Variants in SPON1 observed in about 807,000 individuals in gnomAD.
SPON1 encodes spondin 1.
SPON1 carries 52 observed loss-of-function variants against 111.7 expected under a neutral mutation model. The observed-to-expected ratio is 0.47, with a 90% confidence interval of 0.37 to 0.59. The LOEUF is 0.59. SPON1 is among the 20% of genes least tolerant of loss of function. The pLI is 0.00. For missense variants in SPON1, 957 were observed against 1,068.5 expected (o/e 0.90, Z 1.46); for synonymous variants, 410 against 395.8 (o/e 1.04, Z -0.43).
intron 2 of SPON1, among the ~76,000 whole-genome samples, chr11:14,025,628 G>A (rs1339185202): frequency 4.6e-5 from 7 of 152,166 alleles, no homozygotes; most frequent in African/African-American, 1.7e-4. Flanking sequence ...GGGTGAAGAA[G>A]TGCTGGAGAG....
intron 3 of SPON1, among the ~76,000 whole-genome samples, chr11:14,055,328 G>C (rs1848737300): frequency 1.3e-5 from 2 of 152,164 alleles, no homozygotes; most frequent in Admixed American, 1.3e-4. Flanking sequence ...CTGGACCCCA[G>C]CTCTGAAATT....
intron 6 of SPON1, among the ~76,000 whole-genome samples, chr11:14,160,403 T>TTA (rs1330669834): frequency 1.4e-4 from 4 of 27,672 alleles, no homozygotes; most frequent in Non-Finnish European, 2.0e-4. Context: ...ATATATATAT[T>TTA]TATATATATA....
chr11:13,988,323 T>G (rs1174529598), intron 2 of SPON1, among the ~76,000 whole-genome samples: 1 of 152,208 alleles, frequency 6.6e-6, no homozygotes, highest in Non-Finnish European at 1.5e-5. Flanking sequence ...TAATTGTGAA[T>G]GGGAGTTCAC....
chr11:14,154,254 T>C (rs1352307120), intron 6 of SPON1, among the ~76,000 whole-genome samples: 2 of 152,214 alleles, frequency 1.3e-5, no homozygotes, highest in East Asian at 1.9e-4. Context: ...TGCACTGTCA[T>C]AGTAGAGGTT....
At position 14,249,685 on chromosome 11, in the gene SPON1, A is replaced by C. The variant is rs74862733; in HGVS notation, c.891-4843A>C. The stretch of plus-strand genomic sequence containing the variant: ...TAGGAGGGGATGGTAAGTCTCTAGA[A>C]GCAGTATCAAAATCCTTTCTTACCT... On this transcript the variant is annotated intron_variant, in intron 7 of 15. Coordinates refer to ENST00000576479, the MANE Select transcript of SPON1 (RefSeq NM_006108.4). Among the ~76,000 whole-genome samples the C allele has an allele frequency of 1.1e-3, 170 of 152,336 alleles. 1 individual carries two copies. The highest frequency in any genetic ancestry group is 3.9e-3 in the African/African-American group (163 of 41,576).
chr11:14,040,363 T>C (rs1358378354), intron 2 of SPON1, among the ~76,000 whole-genome samples: 7 of 152,150 alleles, frequency 4.6e-5, no homozygotes, highest in Non-Finnish European at 8.8e-5. Flanking sequence ...AGCTCAAAAG[T>C]GTAAAGTTGA....
intron 4 of SPON1, among the ~76,000 whole-genome samples, chr11:14,077,810 G>A (rs1326970074): frequency 6.7e-6 from 1 of 149,426 alleles, no homozygotes; most frequent in African/African-American, 2.5e-5. Flanking sequence ...TTAATACCAT[G>A]TCACAAGCAA....
intron 3 of SPON1, among the ~76,000 whole-genome samples, chr11:14,062,224 C>G (rs1325799227): frequency 5.3e-5 from 8 of 152,158 alleles, no homozygotes; most frequent in African/African-American, 1.9e-4. Context: ...AGAACCCTTG[C>G]TGGGCAGGGT....
At chr11:14,070,282 G>A (rs1249636206) in intron 3 of SPON1, among the ~76,000 whole-genome samples, 3 of 152,098 alleles carry the variant, frequency 2.0e-5, no homozygotes, top group African/African-American at 7.2e-5. Context: ...GAAATATTCA[G>A]TAATAAGGAT....
intron 7 of SPON1, among the ~76,000 whole-genome samples, chr11:14,253,336 G>C (rs1849072287): frequency 6.6e-6 from 1 of 152,256 alleles, no homozygotes; most frequent in African/African-American, 2.4e-5. Context: ...CAGGCAATGG[G>C]CTAAGTACTG....
chr11:14,142,438 G>A (rs2133864146), intron 6 of SPON1, among the ~76,000 whole-genome samples: 1 of 152,276 alleles, frequency 6.6e-6, no homozygotes, highest in South Asian at 2.1e-4. Context: ...CCACTTGACA[G>A]TGTCATCTCC....
At chr11:14,076,099 A>G (rs1554921426) in intron 4 of SPON1, among the ~76,000 whole-genome samples, 1 of 152,226 alleles carries the variant, frequency 6.6e-6, no homozygotes, top group East Asian at 1.9e-4. Context: ...TCCTTGACAC[A>G]TAGTAAATGC....
chr11:14,009,973 T>C (rs1408751430), intron 2 of SPON1, among the ~76,000 whole-genome samples: 1 of 152,206 alleles, frequency 6.6e-6, no homozygotes, highest in Non-Finnish European at 1.5e-5. Context: ...ATTCAGACTG[T>C]ATCAATGTCT....
chr11:14,039,868 C>T (rs1260619221), intron 2 of SPON1, among the ~76,000 whole-genome samples: 1 of 152,076 alleles, frequency 6.6e-6, no homozygotes, highest in African/African-American at 2.4e-5. Flanking sequence ...AAGAAAAAGA[C>T]AATAGAATCC....
chr11:14,122,933 A>ATT (rs34948884), intron 5 of SPON1, among the ~76,000 whole-genome samples: 21,359 of 132,498 alleles, frequency 0.16, 2,000 homozygotes, highest in Middle Eastern at 0.26. Flanking sequence ...TGCTCTTGTA[A>ATT]TTTTTTTTTT....
In SPON1 at chr11:14,259,177, C is replaced by CCTGA. The variant is rs1849142731; in HGVS notation, c.1493-100_1493-97dup. ...TTAGGTGTGCAGACAACCTCAACTG[C>CCTGA]CTGACTCCTCTTGATTCCCGCTGGC... is the stretch of plus-strand genomic sequence containing the variant. On this transcript the variant is annotated intron_variant, in intron 11 of 15. Coordinates refer to ENST00000576479, the MANE Select transcript of SPON1 (RefSeq NM_006108.4). This position sits in a 1 kb window ranked among gnomAD's most constrained non-coding sequence, Gnocchi z 5.0. 2 of 1,327,020 alleles carry CCTGA rather than the reference C, an allele frequency of 1.5e-6. No homozygotes were observed. The highest frequency in any genetic ancestry group is 1.5e-5 in the South Asian group (1 of 68,666). 82.2% of individuals were successfully genotyped at this position (1,327,020 alleles called of 1,614,324 possible).
intron 3 of SPON1, among the ~76,000 whole-genome samples, chr11:14,065,330 G>A (rs1259308831): frequency 6.6e-6 from 1 of 152,170 alleles, no homozygotes; most frequent in Non-Finnish European, 1.5e-5. Flanking sequence ...AAAGTGGGAC[G>A]AACTGCGGAG....
At chr11:14,167,381 C>T (rs1848042181) in intron 6 of SPON1, among the ~76,000 whole-genome samples, 1 of 151,990 alleles carries the variant, frequency 6.6e-6, no homozygotes, top group Non-Finnish European at 1.5e-5. Context: ...AATGATAACT[C>T]CAAAATCTTA....
intron 5 of SPON1, among the ~76,000 whole-genome samples, chr11:14,116,281 T>A (rs1590089): frequency 0.011 from 1,655 of 152,240 alleles, 38 homozygotes; most frequent in African/African-American, 0.037. Context: ...GATTAGCACC[T>A]TTTTTGCTCC....
Sources: allele counts gnomAD v4.1 joint callset (sites outside exome capture counted in the v4.1 genomes callset), GRCh38; gene constraint gnomAD v4.1.1; non-coding constraint Gnocchi (gnomAD v3.1); transcripts MANE v1.5; gene names NCBI Gene and HGNC (gene_info 2026-07-23, HGNC 2026-07-21).